The following LYPLAL1 variants were observed in gnomAD, a reference collection of about 807,000 sequenced individuals.
The protein encoded by LYPLAL1 is lysophospholipase-like protein 1.
Under a neutral mutation model 19.7 loss-of-function variants are expected in LYPLAL1, and 23 were observed. The ratio of observed to expected loss-of-function variants is 1.17; its 90% CI spans 0.84 to 1.65. The LOEUF is 1.65. Among genes scored for constraint, LYPLAL1 ranks in the 40% most tolerant of loss-of-function variants. The probability of loss-of-function intolerance (pLI) is 0.00; values close to 1 mark genes in which losing one functional copy is unlikely to be tolerated. For missense variants in LYPLAL1, 355 were observed against 279.4 expected (o/e 1.27, Z -1.93); for synonymous variants, 119 against 96.3 (o/e 1.24, Z -1.38).
the LYPLAL1 span, among the ~76,000 whole-genome samples, chr1:219,327,269 TTTAGC>T: frequency 6.6e-6 from 1 of 152,172 alleles, no homozygotes; most frequent in Non-Finnish European, 1.5e-5. Flanking sequence ...GCAGAAAAGC[TTTAGC>T]CACCCCCAGC....
At chr1:219,375,490 TAAAAAAAAAAA>T in the LYPLAL1 span, among the ~76,000 whole-genome samples, 3 of 37,466 alleles carry the variant, frequency 8.0e-5, no homozygotes, top group African/African-American at 2.0e-4. Flanking sequence ...AAACTCCTTC[TAAAAAAAAAAA>T]AAAAAAAAAA....
At chr1:219,347,539 A>G in the LYPLAL1 span, among the ~76,000 whole-genome samples, 189 of 152,336 alleles carry the variant, frequency 1.2e-3, 1 homozygote, top group South Asian at 1.2e-3. Flanking sequence ...CATCAGAACT[A>G]AAATAATACC....
chr1:219,364,173 G>A, the LYPLAL1 span, among the ~76,000 whole-genome samples: 1 of 152,084 alleles, frequency 6.6e-6, no homozygotes, highest in South Asian at 2.1e-4. Flanking sequence ...AATATTGAAA[G>A]GACTCCAATT....
At chr1:219,252,043 G>T in the LYPLAL1 span, among the ~76,000 whole-genome samples, 1 of 151,808 alleles carries the variant, frequency 6.6e-6, no homozygotes, top group Non-Finnish European at 1.5e-5. Flanking sequence ...CTTTTTTGTG[G>T]CATTTGTGAA....
chr1:219,244,650 A>G, the LYPLAL1 span, among the ~76,000 whole-genome samples: 1 of 152,172 alleles, frequency 6.6e-6, no homozygotes, highest in Non-Finnish European at 1.5e-5. Flanking sequence ...TATATGTTAT[A>G]AAAGACCACT....
the LYPLAL1 span, among the ~76,000 whole-genome samples, chr1:219,357,888 T>C: frequency 6.6e-6 from 1 of 152,148 alleles, no homozygotes; most frequent in South Asian, 2.1e-4. Context: ...AGCAAAGACA[T>C]GGATAGATCT....
chr1:219,413,275 A>G, the LYPLAL1 span, among the ~76,000 whole-genome samples: 73 of 152,352 alleles, frequency 4.8e-4, no homozygotes, highest in Admixed American at 1.6e-3. Flanking sequence ...TTAAATTGCC[A>G]TAAGAGGCTA....
At chr1:219,407,402 A>G in the LYPLAL1 span, among the ~76,000 whole-genome samples, 2 of 152,222 alleles carry the variant, frequency 1.3e-5, no homozygotes, top group African/African-American at 4.8e-5. Context: ...TAGAGACCAT[A>G]TATAGCAGGT....
the LYPLAL1 span, among the ~76,000 whole-genome samples, chr1:219,338,886 A>G: frequency 2.0e-5 from 3 of 150,788 alleles, no homozygotes; most frequent in South Asian, 4.1e-4. Flanking sequence ...AATATATTAC[A>G]TTAATTTTTG....
the LYPLAL1 span, among the ~76,000 whole-genome samples, chr1:219,417,969 A>T: frequency 6.6e-6 from 1 of 152,250 alleles, no homozygotes; most frequent in Non-Finnish European, 1.5e-5. Context: ...GCTCTTGGAT[A>T]TTCTTCCTTA....
the LYPLAL1 span, among the ~76,000 whole-genome samples, chr1:219,245,466 C>T: frequency 3.5e-4 from 53 of 152,194 alleles, no homozygotes; most frequent in Non-Finnish European, 5.9e-4. Context: ...CCCAACTCAA[C>T]ACAGGCATTG....
chr1:219,355,507 C>A, the LYPLAL1 span, among the ~76,000 whole-genome samples: 11 of 151,270 alleles, frequency 7.3e-5, no homozygotes, highest in Admixed American at 2.6e-4. Context: ...CATTCTGTAT[C>A]AAAAAAAACA....
the LYPLAL1 span, among the ~76,000 whole-genome samples, chr1:219,294,821 T>C: frequency 6.6e-6 from 1 of 152,182 alleles, no homozygotes; most frequent in African/African-American, 2.4e-5. Flanking sequence ...AGCAATATTG[T>C]CCAGAGAGGG....
chr1:219,400,448 A>T, the LYPLAL1 span, among the ~76,000 whole-genome samples: 1 of 152,156 alleles, frequency 6.6e-6, no homozygotes, highest in Non-Finnish European at 1.5e-5. Context: ...CCAGGCAGTA[A>T]ACTCATGGCA....
chr1:219,391,283 A>C, the LYPLAL1 span, among the ~76,000 whole-genome samples: 1 of 152,236 alleles, frequency 6.6e-6, no homozygotes, highest in East Asian at 1.9e-4. Flanking sequence ...TGACCTGAGA[A>C]CTTGGCTCAG....
chr1:219,424,152 G>A, the LYPLAL1 span, among the ~76,000 whole-genome samples: 1 of 151,838 alleles, frequency 6.6e-6, no homozygotes, highest in Non-Finnish European at 1.5e-5. Flanking sequence ...GTTCATTTCT[G>A]AAAATTTGTG....
At chr1:219,268,776 T>C in the LYPLAL1 span, among the ~76,000 whole-genome samples, 7 of 152,224 alleles carry the variant, frequency 4.6e-5, no homozygotes, top group Admixed American at 4.6e-4. Flanking sequence ...CATTATTCTG[T>C]AGTCACTCAT....
chr1:219,304,041 G>T, the LYPLAL1 span, among the ~76,000 whole-genome samples: 4 of 152,120 alleles, frequency 2.6e-5, no homozygotes, highest in African/African-American at 9.7e-5. Context: ...TATTTACAAT[G>T]ATTTACAAAC....
the LYPLAL1 span, among the ~76,000 whole-genome samples, chr1:219,413,335 C>T: frequency 6.6e-6 from 1 of 152,112 alleles, no homozygotes; most frequent in African/African-American, 2.4e-5. Flanking sequence ...AATTAAATTC[C>T]ATCCAGATAA....
Sources: allele counts gnomAD v4.1 joint callset (sites outside exome capture counted in the v4.1 genomes callset), GRCh38; gene constraint gnomAD v4.1.1; transcripts MANE v1.5; gene names NCBI Gene and HGNC (gene_info 2026-07-23, HGNC 2026-07-21).